SSH2: variants seen among roughly 807,000 people sequenced by gnomAD.
SSH2 encodes the protein slingshot protein phosphatase 2.
SSH2 carries 37 observed loss-of-function variants against 135.2 expected under a neutral mutation model. That is an observed-to-expected ratio of 0.27 (90% confidence interval 0.21 to 0.36). The LOEUF is 0.36. Ranked by LOEUF, SSH2 falls within the 10% of genes least tolerant of loss-of-function variation. The probability of loss-of-function intolerance (pLI) is 1.00; values close to 1 mark genes in which losing one functional copy is unlikely to be tolerated. For missense variants in SSH2, 1,408 were observed against 1,765.3 expected, an observed-to-expected ratio of 0.80 and a Z score of 3.63; for synonymous variants, 628 against 646.2, an observed-to-expected ratio of 0.97 and a Z score of 0.43.
At chr17:29,658,081 G>A (rs565011169) in intron 11 of SSH2, among the ~76,000 whole-genome samples, 68 of 147,984 alleles carry the variant, frequency 4.6e-4, no homozygotes, top group African/African-American at 1.6e-3. Context: ...TCGGCTCACC[G>A]CAACCTCTGC....
At chr17:29,665,492 G>A (rs2037231804) in intron 11 of SSH2, among the ~76,000 whole-genome samples, 1 of 152,152 alleles carries the variant, frequency 6.6e-6, no homozygotes, top group African/African-American at 2.4e-5. Context: ...AGAGTGAGGT[G>A]GATCCAGTTT....
chr17:29,731,428 TA>T (rs1479736922), intron 3 of SSH2, among the ~76,000 whole-genome samples: 21 of 71,820 alleles, frequency 2.9e-4, no homozygotes, highest in African/African-American at 3.7e-4. Flanking sequence ...TTTATTTATT[TA>T]TTTATTTATT....
At chr17:29,665,852 T>C (rs887648017) in intron 11 of SSH2, among the ~76,000 whole-genome samples, 1 of 152,218 alleles carries the variant, frequency 6.6e-6, no homozygotes, top group Admixed American at 6.5e-5. Flanking sequence ...TCAGGAACCA[T>C]GAAGAACAAT....
intron 4 of SSH2, 142 bp from the exon 5 acceptor site, chr17:29,695,665 T>C: frequency 1.5e-6 from 1 of 662,552 alleles, no homozygotes; most frequent in Non-Finnish European, 2.5e-6. Flanking sequence ...TAAATGATTA[T>C]TAACTTCTTT....
rs780981175 is a variant in SSH2 at position 29,709,015 on chromosome 17, T to TATATATATATATAG, written c.189-5954_189-5953insCTATATATATATAT. Among the ~76,000 whole-genome samples the TATATATATATATAG allele has an allele frequency of 4.6e-3, 374 of 81,578 alleles. 3 individuals carry two copies. Among genetic ancestry groups the TATATATATATATAG allele is most frequent in the Non-Finnish European group, 7.4e-3 (302 of 40,692 alleles). 53.5% of individuals were successfully genotyped at this position (81,578 alleles called of 152,430 possible). ...AGAAATATATATATATATATATATA[T>TATATATATATATAG]AGAGAGAGAGAGAGAGAGAGAGAGA... On this transcript the variant is annotated intron_variant, in intron 3 of 15. Transcript: ENST00000540801.
rs2042375196 is a variant in SSH2, at chr17:29,807,884, CGAGA to C, written c.145-13951_145-13948del. Among the ~76,000 whole-genome samples the C allele has an allele frequency of 2.4e-5, 3 of 125,608 alleles. No homozygotes were observed. In the Admixed American group the frequency reaches 2.9e-4, roughly 12 times the overall value. 82.4% of individuals were successfully genotyped at this position (125,608 alleles called of 152,430 possible). On this transcript the variant is annotated intron_variant, in intron 2 of 15. Coordinates refer to ENST00000540801, the MANE Select transcript of SSH2 (RefSeq NM_001282129.2). ...AAACACTACAATTTGGAAAGCCAATCGAGAAAAGTTAGGTAGTTTTTCCAAAGCC... is the reference window on the plus strand; with the variant it reads ...AAACACTACAATTTGGAAAGCCAATCAAAGTTAGGTAGTTTTTCCAAAGCC...
At chr17:29,926,828 C>T (rs1365455981) in intron 1 of SSH2, among the ~76,000 whole-genome samples, 1 of 152,218 alleles carries the variant, frequency 6.6e-6, no homozygotes, top group African/African-American at 2.4e-5. Flanking sequence ...GCAATACTCT[C>T]TTCTTCACAG....
At chr17:29,778,335 T>C (rs1232329472) in intron 3 of SSH2, among the ~76,000 whole-genome samples, 1 of 152,180 alleles carries the variant, frequency 6.6e-6, no homozygotes, top group Non-Finnish European at 1.5e-5. Flanking sequence ...TGTAAGAATC[T>C]ATAGTCATAA....
At chr17:29,681,487 T>A (rs1445892734) in intron 6 of SSH2, among the ~76,000 whole-genome samples, 1 of 151,686 alleles carries the variant, frequency 6.6e-6, no homozygotes, top group Non-Finnish European at 1.5e-5. Context: ...TAGTAAATAT[T>A]CAATTCATTC....
At chr17:29,756,663 G>T (rs978113194) in intron 3 of SSH2, among the ~76,000 whole-genome samples, 8 of 149,656 alleles carry the variant, frequency 5.3e-5, no homozygotes, top group Admixed American at 4.0e-4. Flanking sequence ...GTTTTGTTTT[G>T]TTTTTTTTTG....
At chr17:29,828,620 G>C (rs1433982252) in intron 2 of SSH2, among the ~76,000 whole-genome samples, 2 of 152,202 alleles carry the variant, frequency 1.3e-5, no homozygotes, top group African/African-American at 4.8e-5. Context: ...TCCAGGCCTA[G>C]AATTACATAT....
At chr17:29,791,713 T>G (rs2042068424) in intron 3 of SSH2, among the ~76,000 whole-genome samples, 2 of 152,328 alleles carry the variant, frequency 1.3e-5, no homozygotes, top group East Asian at 1.9e-4. Context: ...TAGAAATAGC[T>G]TGGCAAACAC....
intron 1 of SSH2, among the ~76,000 whole-genome samples, chr17:29,905,001 A>G (rs2066627321): frequency 6.6e-6 from 1 of 152,214 alleles, no homozygotes; most frequent in Non-Finnish European, 1.5e-5. Flanking sequence ...ATCAGAGAGG[A>G]CAGAAACAAA....
chr17:29,698,829 C>T (rs1171530251), intron 4 of SSH2, among the ~76,000 whole-genome samples: 2 of 152,090 alleles, frequency 1.3e-5, no homozygotes, highest in Middle Eastern at 3.2e-3. Flanking sequence ...TCCTTCTGTC[C>T]TACCAGTAGA....
Position 29,648,347 on chromosome 17 carries a change from T to C in SSH2, c.1227-3A>G. The C allele has an allele frequency of 1.3e-6, 2 of 1,598,184 alleles. No individual in the cohort carries two copies. The highest frequency in any genetic ancestry group is 1.7e-6 in the Non-Finnish European group (2 of 1,170,894). ...CAAGGCATTTAGATCCATGTTTCCT[T>C]GTTTGGGGGATTGAGGTAAAGAATA... On this transcript the variant is annotated splice_region_variant and splice_polypyrimidine_tract_variant and intron_variant, in intron 13 of 15. Transcript: ENST00000540801.
intron 1 of SSH2, among the ~76,000 whole-genome samples, chr17:29,866,830 T>A (rs2065862331): frequency 6.6e-6 from 1 of 152,228 alleles, no homozygotes; most frequent in Admixed American, 6.5e-5. Flanking sequence ...TGTAGTTTTA[T>A]TTATTTTATT....
chr17:29,669,779 G>A (rs2037417534), intron 9 of SSH2, among the ~76,000 whole-genome samples: 1 of 151,762 alleles, frequency 6.6e-6, no homozygotes, highest in Admixed American at 6.6e-5. Context: ...GCCAGGGACT[G>A]CCTTTATGTT....
chr17:29,899,127 C>T (rs2066499127), intron 1 of SSH2, among the ~76,000 whole-genome samples: 1 of 151,962 alleles, frequency 6.6e-6, no homozygotes, highest in African/African-American at 2.4e-5. Context: ...TGGGACGTAT[C>T]TCAAAATAAT....
intron 3 of SSH2, among the ~76,000 whole-genome samples, chr17:29,785,805 C>CTTTTT (rs748367220): frequency 3.8e-4 from 47 of 125,106 alleles, no homozygotes; most frequent in Admixed American, 5.7e-4. Context: ...AGTCCGTTTA[C>CTTTTT]TTTTTTTTTT....
Sources: gnomAD v4.1 joint callset for allele counts (sites outside exome capture counted in the v4.1 genomes callset) on GRCh38, gnomAD v4.1.1 for gene constraint, MANE v1.5 for transcripts, NCBI Gene and HGNC (gene_info 2026-07-23, HGNC 2026-07-21) for gene names.